Variants in MDGA2 observed in about 807,000 individuals in gnomAD.
The protein encoded by MDGA2 is MAM domain containing glycosylphosphatidylinositol anchor 2, also known as MAM domain-containing glycosylphosphatidylinositol anchor protein 2.
A neutral mutation model predicts 117.8 loss-of-function variants in MDGA2; 40 were observed. The ratio of observed to expected loss-of-function variants is 0.34; its 90% CI spans 0.26 to 0.44. The LOEUF is 0.44. Ranked by LOEUF, MDGA2 falls within the 20% of genes least tolerant of loss-of-function variation. The pLI is 1.00. For synonymous variants in MDGA2, 452 were observed against 439.0 expected, an observed-to-expected ratio of 1.03 and a Z score of -0.37; for missense variants, 1,123 against 1,250.6, an observed-to-expected ratio of 0.90 and a Z score of 1.54.
At chr14:47,243,825 A>G (rs571934277) in intron 2 of MDGA2, among the ~76,000 whole-genome samples, 11 of 151,902 alleles carry the variant, frequency 7.2e-5, no homozygotes, top group Admixed American at 1.3e-4. Flanking sequence ...ACGCTCCAAC[A>G]ATTTTAAGTG....
At chr14:46,868,373 C>A (rs1881862080) in intron 14 of MDGA2, among the ~76,000 whole-genome samples, 1 of 151,776 alleles carries the variant, frequency 6.6e-6, no homozygotes, top group Admixed American at 6.6e-5. Context: ...ACATGCAGGG[C>A]AGGGTGTCAT....
At chr14:47,599,118 C>A (rs575214636) in intron 1 of MDGA2, among the ~76,000 whole-genome samples, 78 of 151,694 alleles carry the variant, frequency 5.1e-4, no homozygotes, top group African/African-American at 1.6e-3. Flanking sequence ...ATACTAAGAC[C>A]ATTTGGGAAG....
At chr14:47,343,523 C>A (rs1308670079) in intron 1 of MDGA2, among the ~76,000 whole-genome samples, 1 of 152,042 alleles carries the variant, frequency 6.6e-6, no homozygotes, top group African/African-American at 2.4e-5. Flanking sequence ...ACGATGGCTT[C>A]TTTTTAGCTT....
At chr14:46,866,201 T>C (rs1342317095) in intron 14 of MDGA2, among the ~76,000 whole-genome samples, 1 of 151,820 alleles carries the variant, frequency 6.6e-6, no homozygotes, top group African/African-American at 2.4e-5. Flanking sequence ...GAGATATAGA[T>C]CAATGGAACA....
At chr14:46,937,921 C>A in intron 9 of MDGA2, among the ~76,000 whole-genome samples, 1 of 151,890 alleles carries the variant, frequency 6.6e-6, no homozygotes, top group Non-Finnish European at 1.5e-5. Context: ...ACTTCAAAAA[C>A]ACAGGCAACA....
At chr14:47,226,609 C>A (rs529926939) in intron 2 of MDGA2, among the ~76,000 whole-genome samples, 2 of 152,238 alleles carry the variant, frequency 1.3e-5, no homozygotes, top group South Asian at 4.2e-4. Flanking sequence ...CACTATTTCA[C>A]ACTAGAGGTG....
chr14:47,025,365 T>TCTCAAACCTA (rs1888434703), intron 8 of MDGA2, among the ~76,000 whole-genome samples: 1 of 152,140 alleles, frequency 6.6e-6, no homozygotes, highest in South Asian at 2.1e-4. Context: ...GCTTTGAGCT[T>TCTCAAACCTA]AGTGCAGTGG....
At position 47,595,309 on chromosome 14, in the gene MDGA2, C is replaced by G. The variant is rs558183505; in HGVS notation, c.280+79208G>C. Among the ~76,000 whole-genome samples, 48 of 151,568 alleles carry G rather than the reference C, an allele frequency of 3.2e-4. No homozygotes were observed. In the South Asian group the frequency reaches 5.4e-3, roughly 17 times the overall value. On this transcript the variant is annotated intron_variant, in intron 1 of 16. Transcript: ENST00000399232. ...CAGCCCTTTGGGAGGCCAAGGCGGG[C>G]AGATTACCTGAGGTCAGGAGTTTGA...
intron 7 of MDGA2, among the ~76,000 whole-genome samples, chr14:47,037,724 T>C (rs974213325): frequency 6.6e-6 from 1 of 152,200 alleles, no homozygotes; most frequent in Non-Finnish European, 1.5e-5. Flanking sequence ...TCTGAATATG[T>C]TTCACATGTC....
chr14:47,242,867 C>G lies in MDGA2; in HGVS notation c.421-24672G>C, dbSNP rs541596980. On this transcript the variant is annotated intron_variant, in intron 2 of 16. Transcript: ENST00000399232. ...GACTGGCAGGCAGTTCCACCTGCAG[C>G]CCCGGTGTGGGATCCACTAGGTGAA... Among the ~76,000 whole-genome samples, 77 of 151,924 alleles carry G rather than the reference C, an allele frequency of 5.1e-4. 1 individual carries two copies. The highest frequency in any genetic ancestry group is 1.8e-3 in the African/African-American group (75 of 41,520).
intron 8 of MDGA2, among the ~76,000 whole-genome samples, chr14:46,993,300 C>G (rs1340640855): frequency 6.6e-6 from 1 of 152,052 alleles, no homozygotes; most frequent in African/African-American, 2.4e-5. Context: ...ATTTTACTTC[C>G]AGAAAGGTTA....
chr14:47,199,330 G>T (rs931464897), intron 3 of MDGA2, among the ~76,000 whole-genome samples: 1 of 151,998 alleles, frequency 6.6e-6, no homozygotes, highest in Admixed American at 6.6e-5. Flanking sequence ...CAACAATTTT[G>T]ACTATTTATC....
chr14:47,132,861 G>A (rs766710212), intron 4 of MDGA2, among the ~76,000 whole-genome samples: 1 of 151,926 alleles, frequency 6.6e-6, no homozygotes. Context: ...GGTAACATTT[G>A]TCGAGTTCTA....
At chr14:47,470,353 C>T (rs756201588) in intron 1 of MDGA2, among the ~76,000 whole-genome samples, 10 of 148,588 alleles carry the variant, frequency 6.7e-5, no homozygotes, top group African/African-American at 1.5e-4. Flanking sequence ...CTTATAGGTG[C>T]GAACATGCGG....
At chr14:47,255,034 G>A (rs1330737239) in intron 2 of MDGA2, among the ~76,000 whole-genome samples, 3 of 152,074 alleles carry the variant, frequency 2.0e-5, no homozygotes, top group South Asian at 2.1e-4. Context: ...ACCTCCCATC[G>A]GGTTCCCTCC....
At chr14:47,493,121 T>C (rs1894207030) in intron 1 of MDGA2, among the ~76,000 whole-genome samples, 1 of 151,832 alleles carries the variant, frequency 6.6e-6, no homozygotes, top group East Asian at 1.9e-4. Context: ...TAATTCTACA[T>C]TTTAAACTAT....
intron 1 of MDGA2, among the ~76,000 whole-genome samples, chr14:47,304,863 T>C (rs1452720495): frequency 6.6e-6 from 1 of 152,110 alleles, no homozygotes; most frequent in Non-Finnish European, 1.5e-5. Context: ...CTTATAATGT[T>C]CTCCCATCTA....
At chr14:47,088,134 A>AT (rs1235224820) in intron 6 of MDGA2, among the ~76,000 whole-genome samples, 1 of 152,058 alleles carries the variant, frequency 6.6e-6, no homozygotes, top group Admixed American at 6.6e-5. Flanking sequence ...TTCATAAATT[A>AT]TTTTAATGAA....
intron 2 of MDGA2, among the ~76,000 whole-genome samples, chr14:47,225,718 C>T (rs1468409593): frequency 3.3e-5 from 5 of 151,652 alleles, no homozygotes; most frequent in Admixed American, 1.3e-4. Context: ...TGCTAAATGA[C>T]GAGTTAATGG....
Sources: gnomAD v4.1 joint callset for allele counts (sites outside exome capture counted in the v4.1 genomes callset) on GRCh38, gnomAD v4.1.1 for gene constraint, MANE v1.5 for transcripts, NCBI Gene and HGNC (gene_info 2026-07-23, HGNC 2026-07-21) for gene names.